Variants in WDPCP observed in about 807,000 individuals in gnomAD.
WDPCP encodes the protein WD repeat containing planar cell polarity effector, also known as WD repeat-containing and planar cell polarity effector protein fritz homolog.
Under a neutral mutation model 93.1 loss-of-function variants are expected in WDPCP, and 71 were observed. That is an observed-to-expected ratio of 0.76 (90% CI 0.63 to 0.93). WDPCP has a LOEUF of 0.93. Ranked by LOEUF, WDPCP falls within the 40% of genes least tolerant of loss-of-function variation. WDPCP has a pLI of 0.00. For missense variants in WDPCP, 844 were observed against 887.4 expected, an observed-to-expected ratio of 0.95 and a Z score of 0.62; for synonymous variants, 315 against 315.0, an observed-to-expected ratio of 1.00 and a Z score of 0.00.
At chr2:63,598,840 A>C (rs1233400033) in intron 3 of WDPCP, among the ~76,000 whole-genome samples, 5 of 151,060 alleles carry the variant, frequency 3.3e-5, no homozygotes, top group African/African-American at 9.8e-5. Flanking sequence ...ATTTGCCAGC[A>C]CTGCACTACT....
rs763749429 is a variant in WDPCP at position 63,126,666 on chromosome 2, G to GTTTTTTT, written c.2191-4617_2191-4611dup. On this transcript the variant is annotated intron_variant, in intron 17 of 17. Coordinates refer to ENST00000272321, the MANE Select transcript of WDPCP (RefSeq NM_015910.7). ...CACATAACTGTGCAACTTGTTTTGTGTTTTTTTTTTTTTTTTTTTTTTTGA... is the reference window on the plus strand; with the variant it reads ...CACATAACTGTGCAACTTGTTTTGTGTTTTTTTTTTTTTTTTTTTTTTTTTTTTTTGA... Among the ~76,000 whole-genome samples, 185 of 97,990 alleles carry GTTTTTTT rather than the reference G, an allele frequency of 1.9e-3. 1 individual carries two copies. The highest frequency in any genetic ancestry group is 3.0e-3 in the East Asian group (10 of 3,288). The allele number at this position is 97,990 out of a possible 152,430, so 64.3% of individuals were successfully genotyped here.
intron 10 of WDPCP, 148 bp from the exon 11 acceptor site, chr2:63,382,242 C>G (rs560350504): frequency 2.8e-6 from 2 of 726,028 alleles, no homozygotes; most frequent in South Asian, 3.6e-5. Flanking sequence ...CTAATATTTG[C>G]TATAAGATAC....
chr2:63,352,404 C>T (rs1329056617), intron 12 of WDPCP, among the ~76,000 whole-genome samples: 1 of 152,164 alleles, frequency 6.6e-6, no homozygotes, highest in East Asian at 1.9e-4. Flanking sequence ...CTGCTCCCAA[C>T]AAATTCATGA....
intron 9 of WDPCP, among the ~76,000 whole-genome samples, chr2:63,421,477 T>C (rs1418831447): frequency 6.6e-6 from 1 of 152,022 alleles, no homozygotes; most frequent in African/African-American, 2.4e-5. Flanking sequence ...CAACTGATAT[T>C]TGACAAAGTA....
At chr2:63,234,620 C>A (rs141954299) in intron 14 of WDPCP, among the ~76,000 whole-genome samples, 71 of 152,164 alleles carry the variant, frequency 4.7e-4, no homozygotes, top group Non-Finnish European at 3.1e-4. Flanking sequence ...GTAGACAATA[C>A]ACAGGTGATA....
intron 3 of WDPCP, chr2:63,599,455 G>T: frequency 1.5e-6 from 1 of 655,008 alleles, no homozygotes; most frequent in Non-Finnish European, 2.3e-6. Context: ...CATTTGTTAG[G>T]GAGTCTTTAA....
At chr2:63,280,583 C>G (rs1683460851) in intron 13 of WDPCP, among the ~76,000 whole-genome samples, 1 of 152,068 alleles carries the variant, frequency 6.6e-6, no homozygotes, top group Admixed American at 6.5e-5. Context: ...AAACCATACC[C>G]TAAGACTACA....
intron 14 of WDPCP, among the ~76,000 whole-genome samples, chr2:63,176,620 G>C (rs1673827365): frequency 6.6e-6 from 1 of 151,784 alleles, no homozygotes; most frequent in South Asian, 2.1e-4. Context: ...TTAAGTTGTA[G>C]GAGCTCTGTA....
At position 63,381,889 on chromosome 2, in the gene WDPCP, A is replaced by G. The variant is rs776475058; in HGVS notation, c.1624+17T>C. On this transcript the variant is annotated intron_variant, in intron 11 of 17. Coordinates refer to ENST00000272321, the MANE Select transcript of WDPCP (RefSeq NM_015910.7). ...GTATATACAAAACTCATCAATGAAA[A>G]ATATTTCAAGTCTGACCTTCTCTCT... 6.2e-7 allele frequency: 1 copy of G among 1,612,026 alleles called. No individual in the cohort carries two copies. Among genetic ancestry groups the G allele is most frequent in the Non-Finnish European group, 8.5e-7 (1 of 1,178,654 alleles).
intron 12 of WDPCP, among the ~76,000 whole-genome samples, chr2:63,354,007 G>A (rs1293199345): frequency 6.6e-6 from 1 of 152,128 alleles, no homozygotes; most frequent in Non-Finnish European, 1.5e-5. Context: ...GCAACTCCCT[G>A]AACAGAGCCT....
chr2:63,690,624 G>A (rs1363324913), intron 2 of WDPCP, among the ~76,000 whole-genome samples: 1 of 151,980 alleles, frequency 6.6e-6, no homozygotes, highest in Non-Finnish European at 1.5e-5. Flanking sequence ...TGTGGTGGGG[G>A]CATGCTTATA....
chr2:63,529,361 T>C (rs901701855), intron 1 of WDPCP, among the ~76,000 whole-genome samples: 1 of 152,222 alleles, frequency 6.6e-6, no homozygotes, highest in Admixed American at 6.5e-5. Flanking sequence ...TTGTTGTAAA[T>C]AGCTTTTATT....
At chr2:63,384,445 T>A (rs940105832) in intron 10 of WDPCP, among the ~76,000 whole-genome samples, 1 of 152,144 alleles carries the variant, frequency 6.6e-6, no homozygotes, top group African/African-American at 2.4e-5. Flanking sequence ...TAAACTTGAA[T>A]GGCTCTATAT....
intron 13 of WDPCP, among the ~76,000 whole-genome samples, chr2:63,311,630 C>A (rs1306505866): frequency 6.6e-6 from 1 of 152,100 alleles, no homozygotes; most frequent in Non-Finnish European, 1.5e-5. Context: ...GTGTAAAAAT[C>A]ATCATGGTTT....
At chr2:63,525,336 A>C (rs1051781035) in intron 1 of WDPCP, among the ~76,000 whole-genome samples, 2 of 152,090 alleles carry the variant, frequency 1.3e-5, no homozygotes, top group African/African-American at 2.4e-5. Flanking sequence ...TGTACACCAA[A>C]CCTCTGTGAC....
rs185809951 is a variant in WDPCP, at chr2:63,296,159, A to G, written c.1812+17089T>C. Among the ~76,000 whole-genome samples, 866 of 151,516 alleles carry G rather than the reference A, an allele frequency of 5.7e-3. 8 individuals carry two copies. Among genetic ancestry groups the G allele is most frequent in the African/African-American group, 0.02 (819 of 41,256 alleles). Reference sequence around the variant, plus strand: ...ATTCACAAATCAATAATTGTGATTCACCACATAAACAGAATTAAAAACAAA... The same window carrying G: ...ATTCACAAATCAATAATTGTGATTCGCCACATAAACAGAATTAAAAACAAA... On this transcript the variant is annotated intron_variant, in intron 13 of 17. Coordinates refer to ENST00000272321, the MANE Select transcript of WDPCP (RefSeq NM_015910.7).
At chr2:63,550,762 CAT>C (rs752965359) in intron 1 of WDPCP, among the ~76,000 whole-genome samples, 31 of 138,304 alleles carry the variant, frequency 2.2e-4, no homozygotes, top group African/African-American at 8.4e-4. Context: ...TATATATACA[CAT>C]ATATATGTGC....
chr2:63,789,845 T>C (rs1224478600), intron 2 of WDPCP, among the ~76,000 whole-genome samples: 1 of 152,190 alleles, frequency 6.6e-6, no homozygotes, highest in Non-Finnish European at 1.5e-5. Context: ...ATGCGAAACA[T>C]ATGTGAATAG....
At chr2:63,283,709 T>C (rs1047502556) in intron 13 of WDPCP, among the ~76,000 whole-genome samples, 2 of 152,218 alleles carry the variant, frequency 1.3e-5, no homozygotes, top group Non-Finnish European at 2.9e-5. Flanking sequence ...AAATCCAAAA[T>C]GCTTCAAAAT....
Sources: gnomAD v4.1 joint callset for allele counts (sites outside exome capture counted in the v4.1 genomes callset) on GRCh38, gnomAD v4.1.1 for gene constraint, MANE v1.5 for transcripts, NCBI Gene and HGNC (gene_info 2026-07-23, HGNC 2026-07-21) for gene names.